The following LUC7L variants were observed in gnomAD, a reference collection of about 807,000 sequenced individuals.
LUC7L encodes the protein putative RNA-binding protein Luc7-like 1.
Under a neutral mutation model 51.1 loss-of-function variants are expected in LUC7L, and 29 were observed. That is an observed-to-expected ratio of 0.57 (90% CI 0.42 to 0.77). The LOEUF (loss-of-function observed/expected upper bound fraction) is 0.77. Ranked by LOEUF, LUC7L falls within the 30% of genes least tolerant of loss-of-function variation. The probability of loss-of-function intolerance (pLI) is 0.00; values close to 1 mark genes in which losing one functional copy is unlikely to be tolerated. For synonymous variants in LUC7L, 181 were observed against 180.7 expected (o/e 1.00, Z -0.01); for missense variants, 403 against 511.9 (o/e 0.79, Z 2.05).
At chr16:225,007 C>T (rs1263717417) in intron 2 of LUC7L, among the ~76,000 whole-genome samples, 1 of 152,178 alleles carries the variant, frequency 6.6e-6, no homozygotes, top group African/African-American at 2.4e-5. Context: ...TGGCCATTCC[C>T]CTGGATGCCC....
intron 2 of LUC7L, among the ~76,000 whole-genome samples, chr16:225,508 CAG>C (rs1347058545): frequency 4.0e-5 from 4 of 100,692 alleles, no homozygotes; most frequent in African/African-American, 1.5e-4. Context: ...TTTTTTGAGA[CAG>C]AGTTTTGCTC....
intron 7 of LUC7L, 56 bp from the exon 8 acceptor site, chr16:190,626 T>C: frequency 6.5e-7 from 1 of 1,542,714 alleles, no homozygotes; most frequent in Non-Finnish European, 8.9e-7. Flanking sequence ...ACACCTGTAA[T>C]CCCAGCACTT....
chr16:208,714 TTTG>T, intron 3 of LUC7L: 1 of 785,126 alleles, frequency 1.3e-6, no homozygotes, highest in Non-Finnish European at 1.5e-6. Flanking sequence ...ATGAATACAT[TTTG>T]TTATTGCCTA....
At position 189,983 on chromosome 16, in the gene LUC7L, C is replaced by T. The variant is rs780398781; in HGVS notation, c.959G>A (p.Arg320Gln). The T allele has an allele frequency of 3.2e-5, 52 of 1,612,572 alleles. No homozygotes were observed. The highest frequency in any genetic ancestry group is 1.4e-4 in the South Asian group (13 of 90,998). Residue 320 changes from arginine (R) to glutamine (Q), a missense_variant, in exon 9 of 10, where the codon CGA (arginine) becomes CAA (glutamine). By Grantham distance (43) the Arg-to-Gln change is conservative. Around this residue, in one of 3 missense-constraint regions of LUC7L, gnomAD observed 206 missense variants for 218.3 expected, o/e 0.94. Transcript: ENST00000293872. ...GAGTAGTTACTTGTATTTCGCACTT[C>T]GGTCCCGGGAAGCCCGACGATGTCC... ...SRGHRRASRD[R>Q]SAKYKFSRER...
intron 1 of LUC7L, chr16:227,548 T>A: frequency 3.6e-6 from 5 of 1,390,640 alleles, no homozygotes; most frequent in Non-Finnish European, 4.7e-6. Context: ...TCACACTTAA[T>A]GAGATCTGAC....
intron 5 of LUC7L, among the ~76,000 whole-genome samples, chr16:204,663 T>C (rs1206425193): frequency 6.6e-6 from 1 of 152,158 alleles, no homozygotes; most frequent in East Asian, 1.9e-4. Context: ...TGTGCTGTAC[T>C]GATCACTTCT....
chr16:198,305 A>G (rs1022274641), intron 6 of LUC7L, among the ~76,000 whole-genome samples: 1 of 144,670 alleles, frequency 6.9e-6, no homozygotes, highest in Non-Finnish European at 1.5e-5. Flanking sequence ...AAAAAAAAAA[A>G]AGTTTTTAAA....
rs193000318 is a variant in LUC7L, at chr16:223,941, G to C, written c.157-3194C>G. 3.3e-3 allele frequency among the ~76,000 whole-genome samples: 509 copies of C among 152,066 alleles called. 4 individuals carry two copies. The highest frequency in any genetic ancestry group is 0.011 in the African/African-American group (468 of 41,488). ...CCCGCCTCCTCCTCCTCCTCCCGAAGTGCTGGGATTACAGGTATGAGCCAC... is the reference window on the plus strand; with the variant it reads ...CCCGCCTCCTCCTCCTCCTCCCGAACTGCTGGGATTACAGGTATGAGCCAC... On this transcript the variant is annotated intron_variant, in intron 2 of 9. Coordinates refer to ENST00000293872, the MANE Select transcript of LUC7L (RefSeq NM_201412.3).
At chr16:227,359 A>G in intron 1 of LUC7L, 23 bp from the exon 2 acceptor site, 1 of 1,585,270 alleles carries the variant, frequency 6.3e-7, no homozygotes, top group Admixed American at 1.7e-5. Context: ...TGTGGTTTTA[A>G]ATAAGACAAT....
intron 6 of LUC7L, among the ~76,000 whole-genome samples, chr16:193,447 C>T (rs910620441): frequency 1.3e-5 from 2 of 151,552 alleles, no homozygotes; most frequent in African/African-American, 4.9e-5. Context: ...GCCCGGCCAA[C>T]ACATTCATTT....
intron 6 of LUC7L, among the ~76,000 whole-genome samples, chr16:196,550 C>CA (rs1249319375): frequency 6.6e-6 from 1 of 151,866 alleles, no homozygotes; most frequent in Non-Finnish European, 1.5e-5. Context: ...TTCTTTAAGA[C>CA]AAAGTCTCAC....
chr16:201,255 A>C (rs866194536), intron 5 of LUC7L, among the ~76,000 whole-genome samples: 181 of 151,080 alleles, frequency 1.2e-3, no homozygotes, highest in African/African-American at 4.1e-3. Flanking sequence ...AAAAAAAAAA[A>C]AAAAAAAAAA....
chr16:203,993 G>A (rs1458252894), intron 5 of LUC7L, among the ~76,000 whole-genome samples: 1 of 152,100 alleles, frequency 6.6e-6, no homozygotes, highest in Non-Finnish European at 1.5e-5. Flanking sequence ...TCCAGCCTGG[G>A]CGAATGAATG....
intron 5 of LUC7L, among the ~76,000 whole-genome samples, chr16:201,716 GGC>G (rs1233950675): frequency 2.0e-5 from 3 of 148,260 alleles, no homozygotes; most frequent in Non-Finnish European, 1.5e-5. Context: ...TGGGATTACA[GGC>G]GTGAGCCACC....
chr16:194,972 T>A (rs182740383), intron 6 of LUC7L, among the ~76,000 whole-genome samples: 1 of 152,220 alleles, frequency 6.6e-6, no homozygotes, highest in East Asian at 1.9e-4. Context: ...GGCATAAGGA[T>A]AATCTTCCAT....
At chr16:212,091 T>C (rs1201132486) in intron 3 of LUC7L, among the ~76,000 whole-genome samples, 1 of 152,088 alleles carries the variant, frequency 6.6e-6, no homozygotes, top group East Asian at 1.9e-4. Flanking sequence ...GTCAGGAGTT[T>C]GAGATCAGCC....
intron 6 of LUC7L, among the ~76,000 whole-genome samples, chr16:198,210 C>T (rs112954932): frequency 2.9e-4 from 35 of 122,652 alleles, no homozygotes; most frequent in South Asian, 1.7e-3. Context: ...ACCTGGGAGG[C>T]GGAGCTTGCA....
chr16:220,103 C>A (rs1453858875), intron 3 of LUC7L: 4 of 152,256 alleles, frequency 2.6e-5, no homozygotes, highest in African/African-American at 9.7e-5. Flanking sequence ...ATACGGGTAT[C>A]TCCTATAAAC....
Position 199,215 on chromosome 16 carries a change from A to T in LUC7L, c.534T>A (p.Pro178=). The change falls in exon 6 of 10, where the codon CCT becomes CCA. Residue 178 remains proline, a synonymous_variant. Transcript: ENST00000293872. ...EAEEEYRNSM[P]ASSFQQQKLR... ...GCTTTTGCTGCTGAAAACTGGATGC[A>T]GGCATGGAATTTCTGTATTCTTCCT... 1 of 1,601,182 alleles carries T rather than the reference A, an allele frequency of 6.2e-7. No individual in the cohort carries two copies.
Sources: gnomAD v4.1 joint callset for allele counts (sites outside exome capture counted in the v4.1 genomes callset) on GRCh38, gnomAD v4.1.1 for gene constraint, gnomAD v4.1.1 regional missense constraint, MANE v1.5 for transcripts, NCBI Gene and HGNC (gene_info 2026-07-23, HGNC 2026-07-21) for gene names.